UNC79: variants seen among roughly 807,000 people sequenced by gnomAD.
UNC79 encodes protein unc-79 homolog.
A neutral mutation model predicts 283.1 loss-of-function variants in UNC79; 37 were observed. The observed-to-expected ratio is 0.13, with a 90% CI of 0.10 to 0.17. The LOEUF (loss-of-function observed/expected upper bound fraction) is 0.17. UNC79 is among the 10% of genes least tolerant of loss of function. The pLI, the probability that UNC79 is intolerant of heterozygous loss-of-function variation, is 1.00. For missense variants in UNC79, 2,272 were observed against 3,211.1 expected, an observed-to-expected ratio of 0.71 and a Z score of 7.07; for synonymous variants, 1,107 against 1,200.2, an observed-to-expected ratio of 0.92 and a Z score of 1.61.
intron 14 of UNC79, among the ~76,000 whole-genome samples, chr14:93,564,779 A>G (rs528624299): frequency 9.2e-5 from 14 of 152,244 alleles, no homozygotes; most frequent in African/African-American, 3.1e-4. Flanking sequence ...GGGGGTCACA[A>G]GGTGCTCAGT....
At chr14:93,395,847 T>C (rs1356922690) in intron 1 of UNC79, among the ~76,000 whole-genome samples, 1 of 152,212 alleles carries the variant, frequency 6.6e-6, no homozygotes, top group African/African-American at 2.4e-5. Context: ...TCTTTGTTTT[T>C]TGACAGTTTG....
intron 7 of UNC79, among the ~76,000 whole-genome samples, chr14:93,498,555 C>G (rs912675824): frequency 1.3e-5 from 2 of 152,128 alleles, no homozygotes; most frequent in Admixed American, 6.5e-5. Flanking sequence ...CAAGCCACTG[C>G]ATTCCAGCCC....
Position 93,467,806 on chromosome 14 carries a change from A to G in UNC79, c.143+15A>G, listed in dbSNP as rs917918902. The G allele has an allele frequency of 2.7e-6, 4 of 1,492,482 alleles. No individual in the cohort carries two copies. Among genetic ancestry groups the G allele is most frequent in the East Asian group, 2.6e-5 (1 of 38,800 alleles). 92.5% of individuals were successfully genotyped at this position (1,492,482 alleles called of 1,614,324 possible). On this transcript the variant is annotated intron_variant, in intron 2 of 48. Coordinates refer to ENST00000555664, the Ensembl canonical transcript of UNC79. ...ACCTTGTTAAGGTAAGCTTTACAAT[A>G]TCCTCTACTTTGAGAGAATTATTAG...
chr14:93,536,667 C>T (rs1027659508), intron 11 of UNC79, among the ~76,000 whole-genome samples: 14 of 151,900 alleles, frequency 9.2e-5, no homozygotes, highest in African/African-American at 2.9e-4. Flanking sequence ...CTTATGCTCT[C>T]TATGAGGCTC....
intron 29 of UNC79, among the ~76,000 whole-genome samples, chr14:93,620,650 C>A (rs1337192018): frequency 6.6e-6 from 1 of 152,310 alleles, no homozygotes; most frequent in South Asian, 2.1e-4. Context: ...CAAGAAGCCT[C>A]TCCTTAAAAA....
chr14:93,412,819 A>G (rs1367315161), intron 1 of UNC79, among the ~76,000 whole-genome samples: 1 of 152,138 alleles, frequency 6.6e-6, no homozygotes, highest in Non-Finnish European at 1.5e-5. Flanking sequence ...TGAAGGAGAA[A>G]TACCTTCCCA....
intron 22 of UNC79, among the ~76,000 whole-genome samples, chr14:93,588,767 G>A (rs11623009): frequency 0.012 from 1,632 of 132,760 alleles, 26 homozygotes; most frequent in South Asian, 0.066. Flanking sequence ...AAAAAAAAAA[G>A]AGAGAGAAAA....
chr14:93,500,463 AG>A (rs1206375630), intron 7 of UNC79, among the ~76,000 whole-genome samples: 1 of 152,142 alleles, frequency 6.6e-6, no homozygotes. Flanking sequence ...AAAAGATCAC[AG>A]AAAAAAAAAA....
intron 7 of UNC79, among the ~76,000 whole-genome samples, chr14:93,506,501 A>T (rs2059549153): frequency 6.6e-6 from 1 of 152,000 alleles, no homozygotes; most frequent in African/African-American, 2.4e-5. Context: ...TCTCATTTTC[A>T]TTGTTTCTAT....
intron 4 of UNC79, among the ~76,000 whole-genome samples, chr14:93,485,517 C>T (rs184253843): frequency 6.6e-6 from 1 of 152,030 alleles, no homozygotes; most frequent in African/African-American, 2.4e-5. Context: ...GAAGCATCTT[C>T]TTTGGCCCCA....
intron 8 of UNC79, among the ~76,000 whole-genome samples, chr14:93,527,577 G>A (rs2060603518): frequency 6.6e-6 from 1 of 152,122 alleles, no homozygotes; most frequent in Admixed American, 6.5e-5. Flanking sequence ...TGAAGTGTCT[G>A]TTTTCACTTT....
intron 14 of UNC79, 98 bp downstream of exon 14, chr14:93,542,794 G>A (rs1469712923): frequency 4.5e-6 from 5 of 1,116,026 alleles, no homozygotes; most frequent in Non-Finnish European, 6.7e-6. Context: ...TGCAGAGGAG[G>A]AACATCTCTC....
rs372293855 is a variant in UNC79 at position 93,699,341 on chromosome 14, T to C, written c.7548+4929T>C. On this transcript the variant is annotated intron_variant, in intron 47 of 48. Coordinates refer to ENST00000555664, the Ensembl canonical transcript of UNC79. ...ATATAATTTCCTTTTCTTTGTCTAA[T>C]TAAGATAAACTGAGATGGCAACTAA... Among the ~76,000 whole-genome samples, 8 of 152,312 alleles carry C rather than the reference T, an allele frequency of 5.3e-5. No homozygotes were observed. The East Asian group carries it at 5.8e-4, about 11-fold the overall frequency.
At chr14:93,513,203 T>TTTCC (rs1477283508) in intron 7 of UNC79, among the ~76,000 whole-genome samples, 40 of 109,364 alleles carry the variant, frequency 3.7e-4, no homozygotes, top group Non-Finnish European at 9.6e-5. Context: ...TCCTTCCTTC[T>TTTCC]TTCCTTCCTT....
chr14:93,542,764 ATGTGGG>A, intron 14 of UNC79, 68 bp downstream of exon 14: 2 of 1,506,798 alleles, frequency 1.3e-6, no homozygotes, highest in Non-Finnish European at 1.8e-6. Context: ...TGCCTTAGCC[ATGTGGG>A]TATTATCAGT....
At chr14:93,487,572 T>TTA in intron 4 of UNC79, 91 bp from the exon 5 acceptor site, 1 of 1,062,814 alleles carries the variant, frequency 9.4e-7, no homozygotes, top group Non-Finnish European at 1.3e-6. Flanking sequence ...TTTTTTTTTT[T>TTA]AAAGTTCCTT....
At chr14:93,631,088 G>A (rs999395400) in intron 31 of UNC79, among the ~76,000 whole-genome samples, 180 bp downstream of exon 33, 16 of 152,022 alleles carry the variant, frequency 1.1e-4, no homozygotes, top group African/African-American at 3.4e-4. Flanking sequence ...GCCCACTTTC[G>A]TCCGTATCTC....
At chr14:93,470,810 G>A (rs1366011984) in intron 2 of UNC79, among the ~76,000 whole-genome samples, 1 of 152,162 alleles carries the variant, frequency 6.6e-6, no homozygotes, top group Admixed American at 6.5e-5. Flanking sequence ...AGACCATCCA[G>A]TTTAATCTCC....
At chr14:93,670,660 C>T (rs2072748137) in intron 40 of UNC79, among the ~76,000 whole-genome samples, 1 of 152,160 alleles carries the variant, frequency 6.6e-6, no homozygotes, top group African/African-American at 2.4e-5. Context: ...ATTATGTAGA[C>T]ATGGTCAATT....
Sources: gnomAD v4.1 joint callset for allele counts (sites outside exome capture counted in the v4.1 genomes callset) on GRCh38, gnomAD v4.1.1 for gene constraint, MANE v1.5 for transcripts, NCBI Gene and HGNC (gene_info 2026-07-23, HGNC 2026-07-21) for gene names.